AACS: variants seen among roughly 807,000 people sequenced by gnomAD.
The protein encoded by AACS is acetoacetyl-CoA synthetase.
A neutral mutation model predicts 83.1 loss-of-function variants in AACS; 69 were observed. That is an observed-to-expected ratio of 0.83 (90% CI 0.68 to 1.01). AACS has a LOEUF of 1.01. Ranked by LOEUF, AACS falls within the 50% of genes least tolerant of loss-of-function variation. AACS has a pLI of 0.00. For missense variants in AACS, 866 were observed against 882.2 expected (o/e 0.98, Z 0.23); for synonymous variants, 333 against 343.4 (o/e 0.97, Z 0.33).
chr12:125,124,859 G>A (rs1483718005), intron 11 of AACS, 43 bp from the exon 12 acceptor site: 2 of 1,614,030 alleles, frequency 1.2e-6, no homozygotes, highest in South Asian at 1.1e-5. Context: ...GAGGCTTCAG[G>A]CACTGGGTTT....
chr12:125,094,852 A>C lies in AACS; in HGVS notation c.570+3329A>C, dbSNP rs1263386447. On this transcript the variant is annotated intron_variant, in intron 5 of 17. Coordinates refer to ENST00000316519, the MANE Select transcript of AACS (RefSeq NM_023928.5). This position sits in a 1 kb window ranked among gnomAD's most constrained non-coding sequence, Gnocchi z 4.1. ...TTGATGGCTTTGGGTTTTTTGTTTC[A>C]CTGTTTACCTTTGAGCCTTTGCCAT... 6.6e-6 allele frequency among the ~76,000 whole-genome samples: 1 copy of C among 151,572 alleles called. No individual in the cohort carries two copies. The highest frequency in any genetic ancestry group is 2.4e-5 in the African/African-American group (1 of 41,196).
Position 125,128,219 on chromosome 12 carries a change from A to G in AACS, c.1368A>G (p.Lys456=). The change falls in exon 13 of 18, where the codon AAA becomes AAG. Residue 456 remains lysine (K), a synonymous_variant. Coordinates refer to ENST00000316519, the MANE Select transcript of AACS (RefSeq NM_023928.5). ...MGHNFSLPVY[K]GEIQARNLGM... ...ACAATTTTTCTCTTCCTGTGTATAA[A>G]GGGGAGATTCAGGCCCGGAACCTGG... 6.2e-7 allele frequency: 1 copy of G among 1,613,326 alleles called. No individual in the cohort carries two copies. Among genetic ancestry groups the G allele is most frequent in the Non-Finnish European group, 8.5e-7 (1 of 1,179,448 alleles).
chr12:125,142,426 C>T lies in AACS; in HGVS notation c.*197C>T. ...ATCTTCCACACGAGTGGGATTCTGG[C>T]CTTCAGAGACCAGGAGGGAGTGTCT... On this transcript the variant is annotated 3_prime_UTR_variant, in exon 18 of 18. Transcript: ENST00000316519. 2 of 710,930 alleles carry T rather than the reference C, an allele frequency of 2.8e-6. No individual in the cohort carries two copies. Among genetic ancestry groups the T allele is most frequent in the Non-Finnish European group, 4.5e-6 (2 of 445,346 alleles). The allele number at this position is 710,930 out of a possible 1,614,324, so 44.0% of individuals were successfully genotyped here. A position where few individuals can be genotyped will look rare whatever the true frequency, so the allele number is the denominator to read the frequency against.
chr12:125,137,731 C>A (rs7312149), intron 17 of AACS, among the ~76,000 whole-genome samples: 3,126 of 152,250 alleles, frequency 0.021, 101 homozygotes, highest in African/African-American at 0.072. Context: ...CTGACAGAAG[C>A]TGCTGTGTGT....
intron 8 of AACS, among the ~76,000 whole-genome samples, chr12:125,107,765 C>T (rs532326669): frequency 5.9e-4 from 90 of 152,262 alleles, no homozygotes; most frequent in African/African-American, 1.9e-3. Context: ...AGTTTGAGAC[C>T]AGCCTGGCCA....
At chr12:125,100,805 C>G (rs1023056724) in intron 5 of AACS, 6 of 152,210 alleles carry the variant, frequency 3.9e-5, no homozygotes, top group Non-Finnish European at 7.3e-5. Flanking sequence ...AACACTCTGC[C>G]CCTTAGACTC....
rs372352377 is a variant in AACS at position 125,080,760 on chromosome 12, C to T, written c.358+4149C>T. On this transcript the variant is annotated intron_variant, in intron 3 of 17. Transcript: ENST00000316519. ...AGGCTGGAGTGCAGTGGCTTGATCTCGGCTCACTGCAAGCTCCTCCTCCCG... is the reference window on the plus strand; with the variant it reads ...AGGCTGGAGTGCAGTGGCTTGATCTTGGCTCACTGCAAGCTCCTCCTCCCG... Among the ~76,000 whole-genome samples the T allele has an allele frequency of 1.9e-3, 292 of 152,008 alleles. 3 individuals carry two copies. The highest frequency in any genetic ancestry group is 6.5e-3 in the African/African-American group (271 of 41,450).
intron 10 of AACS, 29 bp from the exon 11 acceptor site, chr12:125,124,676 T>C (rs1957216077): frequency 6.2e-7 from 1 of 1,612,220 alleles, no homozygotes; most frequent in Non-Finnish European, 8.5e-7. Flanking sequence ...GAAGAGTTTC[T>C]GGTGTTTTCT....
Position 125,074,104 on chromosome 12 carries a change from T to C in AACS, c.237+125T>C, listed in dbSNP as rs1955952544. 5.2e-6 allele frequency: 4 copies of C among 764,846 alleles called. No individual in the cohort carries two copies. In the South Asian group the frequency reaches 7.1e-5, roughly 13 times the overall value. 47.4% of individuals were successfully genotyped at this position (764,846 alleles called of 1,614,324 possible). On this transcript the variant is annotated intron_variant, in intron 2 of 17. Transcript: ENST00000316519. Reference sequence around the variant, plus strand: ...ACCTCATGCAGATGGGAAAAAGTCATTGCCCTAGAGAACTGGCATTAAATT... The same window carrying C: ...ACCTCATGCAGATGGGAAAAAGTCACTGCCCTAGAGAACTGGCATTAAATT...
At chr12:125,103,859 G>T (rs930530975) in intron 7 of AACS, among the ~76,000 whole-genome samples, 1 of 151,582 alleles carries the variant, frequency 6.6e-6, no homozygotes, top group African/African-American at 2.4e-5. Flanking sequence ...GTGGTGGCGG[G>T]CACCTGTAGT....
intron 7 of AACS, among the ~76,000 whole-genome samples, chr12:125,103,737 C>T (rs1415347913): frequency 2.0e-5 from 3 of 151,926 alleles, no homozygotes; most frequent in Non-Finnish European, 4.4e-5. Context: ...GCCTGTAATC[C>T]CAGCACTTTG....
chr12:125,096,761 C>T (rs1047159551), intron 5 of AACS, among the ~76,000 whole-genome samples: 8 of 151,288 alleles, frequency 5.3e-5, no homozygotes, highest in Admixed American at 2.0e-4. Context: ...GTTAAGTGGA[C>T]GTGGTGTCTT....
At chr12:125,070,038 T>G (rs1248519795) in intron 1 of AACS, among the ~76,000 whole-genome samples, 1 of 152,172 alleles carries the variant, frequency 6.6e-6, no homozygotes, top group Non-Finnish European at 1.5e-5. Context: ...GAGGAACATC[T>G]GAACCCCCGG....
At chr12:125,093,828 C>T (rs368647566) in intron 5 of AACS, among the ~76,000 whole-genome samples, 14 of 152,326 alleles carry the variant, frequency 9.2e-5, no homozygotes, top group South Asian at 4.1e-4. Flanking sequence ...GTGTGACGCA[C>T]GTTACTCGCA....
intron 1 of AACS, 125 bp from the exon 2 acceptor site, chr12:125,073,751 G>A (rs1006469016): frequency 1.5e-4 from 105 of 707,458 alleles, no homozygotes; most frequent in African/African-American, 1.2e-3. Context: ...TCCTCCCCCA[G>A]ACCATTTCTC....
chr12:125,114,826 C>T (rs1463190524), intron 9 of AACS, among the ~76,000 whole-genome samples: 1 of 151,472 alleles, frequency 6.6e-6, no homozygotes, highest in Non-Finnish European at 1.5e-5. Context: ...GTAAGGGCTT[C>T]CCCGGGCGCC....
intron 3 of AACS, among the ~76,000 whole-genome samples, chr12:125,079,856 T>C (rs1423335448): frequency 2.0e-5 from 3 of 152,188 alleles, no homozygotes; most frequent in Non-Finnish European, 4.4e-5. Flanking sequence ...TAGCAGTCAC[T>C]CTCTGTTCCT....
chr12:125,081,039 C>T (rs1313399302), intron 3 of AACS, among the ~76,000 whole-genome samples: 1 of 152,002 alleles, frequency 6.6e-6, no homozygotes, highest in Admixed American at 6.6e-5. Flanking sequence ...GTCACCCAGG[C>T]TGGAGTGCAG....
chr12:125,092,884 A>G (rs896299219), intron 5 of AACS, among the ~76,000 whole-genome samples: 4 of 152,222 alleles, frequency 2.6e-5, no homozygotes, highest in Non-Finnish European at 5.9e-5. Context: ...CAGGCTGTCC[A>G]GGGCAGAGGG....
Sources: gnomAD v4.1 joint callset for allele counts (sites outside exome capture counted in the v4.1 genomes callset) on GRCh38, gnomAD v4.1.1 for gene constraint, Gnocchi (gnomAD v3.1) non-coding constraint, MANE v1.5 for transcripts, NCBI Gene and HGNC (gene_info 2026-07-23, HGNC 2026-07-21) for gene names.